Variants in GYG2 observed in about 807,000 individuals in gnomAD.
GYG2 encodes glycogenin 2, also known as glycogenin-2.
A neutral mutation model predicts 29.4 loss-of-function variants in GYG2; 29 were observed. That is an observed-to-expected ratio of 0.99 (90% CI 0.74 to 1.35). The LOEUF (loss-of-function observed/expected upper bound fraction) is 1.35, where lower values mean the gene tolerates loss of function less well. GYG2 is among the 40% of genes most tolerant of loss of function. GYG2 has a pLI of 0.00. For missense variants in GYG2, 370 were observed against 385.7 expected (o/e 0.96, Z 0.34); for synonymous variants, 167 against 172.3 (o/e 0.97, Z 0.24).
In GYG2 at chrX:2,842,813, G is replaced by A. The variant is rs186384651; in HGVS notation, c.8-400G>A. On this transcript the variant is annotated intron_variant, in intron 2 of 10. Coordinates refer to ENST00000398806, the MANE Select transcript of GYG2 (RefSeq NM_001079855.2). ...GAATACTGAATATTCACTGCAAGTC[G>A]TGATTTTTTTTTTTTTTTTGAGACA... is the stretch of plus-strand genomic sequence containing the variant. Among the ~76,000 whole-genome samples, 820 of 84,625 alleles carry A rather than the reference G, an allele frequency of 9.7e-3. 7 individuals carry two copies. Among genetic ancestry groups the A allele is most frequent in the South Asian group, 0.029 (46 of 1,570 alleles). 73.5% of individuals were successfully genotyped at this position (84,625 alleles called of 115,157 possible). A position where few individuals can be genotyped will look rare whatever the true frequency, so the allele number is the denominator to read the frequency against.
At chrX:2,875,770 A>T in intron 8 of GYG2, 40 bp from the exon 9 acceptor site, 1 of 870,476 alleles carries the variant, frequency 1.1e-6, no homozygotes, top group Non-Finnish European at 1.7e-6. Flanking sequence ...ATTTGCACGA[A>T]GGTTTGACTT....
chrX:2,830,718 T>C (rs964868260), intron 2 of GYG2, among the ~76,000 whole-genome samples: 4 of 111,469 alleles, frequency 3.6e-5, no homozygotes, highest in African/African-American at 1.3e-4. Flanking sequence ...GCCAGGAGTT[T>C]GAGACCATCC....
intron 8 of GYG2, among the ~76,000 whole-genome samples, chrX:2,868,773 C>G (rs1403560788): frequency 9.0e-6 from 1 of 110,865 alleles, no homozygotes; most frequent in African/African-American, 3.3e-5. Context: ...ACCACCATGG[C>G]ACACGTATAC....
At chrX:2,838,566 G>C (rs1454899973) in intron 2 of GYG2, among the ~76,000 whole-genome samples, 1 of 105,256 alleles carries the variant, frequency 9.5e-6, no homozygotes, top group Non-Finnish European at 1.9e-5. Context: ...AACATTTCCT[G>C]TTTAATTTCT....
In GYG2 at chrX:2,857,469, TCTGTA is replaced by T. The variant is rs1349925776; in HGVS notation, c.614+846_614+850del. On this transcript the variant is annotated intron_variant, in intron 6 of 10. Transcript: ENST00000398806. ...ATATACATAGATCTATATATCTATATCTGTATATCTATCTAGATCTATCTAGATAT... is the reference window on the plus strand; with the variant it reads ...ATATACATAGATCTATATATCTATATTATCTATCTAGATCTATCTAGATAT... 3.6e-5 allele frequency among the ~76,000 whole-genome samples: 4 copies of T among 110,605 alleles called. 1 individual carries two copies. Among genetic ancestry groups the T allele is most frequent in the Non-Finnish European group, 7.6e-5 (4 of 52,830 alleles).
chrX:2,877,330 T>C, intron 10 of GYG2, 23 bp downstream of exon 10: 1 of 1,203,390 alleles, frequency 8.3e-7, no homozygotes, highest in Non-Finnish European at 1.1e-6. Context: ...TTCTTCCCCT[T>C]GCCCAAGGCT....
chrX:2,863,175 C>G (rs1214691681), intron 8 of GYG2, among the ~76,000 whole-genome samples: 1 of 109,241 alleles, frequency 9.2e-6, no homozygotes, highest in Admixed American at 9.7e-5. Context: ...CCCGGGTTCA[C>G]GCCGTTCTCC....
At chrX:2,832,013 T>C (rs1291757002) in intron 2 of GYG2, among the ~76,000 whole-genome samples, 1 of 112,746 alleles carries the variant, frequency 8.9e-6, no homozygotes, top group Non-Finnish European at 1.9e-5. Flanking sequence ...AACTCCCTCT[T>C]TGAATGCAGT....
intron 8 of GYG2, among the ~76,000 whole-genome samples, chrX:2,865,346 A>G (rs1020622158): frequency 1.8e-5 from 2 of 111,615 alleles, no homozygotes; most frequent in Non-Finnish European, 3.8e-5. Flanking sequence ...GACAGCACTT[A>G]GCACTCTGGT....
chrX:2,862,540 C>G (rs897486048), intron 8 of GYG2, among the ~76,000 whole-genome samples: 1 of 111,425 alleles, frequency 9.0e-6, no homozygotes, highest in Non-Finnish European at 1.9e-5. Flanking sequence ...CAGCCGAACC[C>G]CTGACTTGAA....
chrX:2,837,885 G>A (rs1211997413), intron 2 of GYG2, among the ~76,000 whole-genome samples: 3 of 105,555 alleles, frequency 2.8e-5, no homozygotes, highest in Non-Finnish European at 3.9e-5. Context: ...ACACACACAC[G>A]TTTTCTTTTT....
chrX:2,846,056 T>TATATATATATA (rs1491432509), intron 3 of GYG2, among the ~76,000 whole-genome samples: 18 of 9,692 alleles, frequency 1.9e-3, no homozygotes, highest in Non-Finnish European at 1.9e-3. Flanking sequence ...TATATATATA[T>TATATATATATA]TTTTTTTTTT....
intron 2 of GYG2, among the ~76,000 whole-genome samples, chrX:2,839,404 C>T (rs898185731): frequency 9.0e-6 from 1 of 110,909 alleles, no homozygotes; most frequent in Non-Finnish European, 1.9e-5. Context: ...ACTAGGAGCT[C>T]CACATCCACC....
At chrX:2,869,868 C>T (rs1422419520) in intron 8 of GYG2, among the ~76,000 whole-genome samples, 2 of 112,410 alleles carry the variant, frequency 1.8e-5, no homozygotes, top group Non-Finnish European at 3.8e-5. Context: ...TCTTGAATTC[C>T]TGGGCTCTAG....
chrX:2,860,090 C>T, intron 7 of GYG2, 25 bp downstream of exon 7: 1 of 1,008,894 alleles, frequency 9.9e-7, no homozygotes, highest in Non-Finnish European at 1.4e-6. Context: ...CCCTTAAAAC[C>T]CGTAGCTGAG....
intron 8 of GYG2, among the ~76,000 whole-genome samples, chrX:2,868,937 A>G (rs960100513): frequency 9.0e-6 from 1 of 111,110 alleles, no homozygotes; most frequent in Non-Finnish European, 1.9e-5. Context: ...ATAACACTGA[A>G]CAAGGAGTTG....
At position 2,877,219 on chromosome X, in the gene GYG2, A is replaced by G. The variant is rs764917114; in HGVS notation, c.1163A>G (p.Glu388Gly). ...TTTTAGCAGCCAGCAAATAAAGTCG[A>G]AAGTGTCTCATCCGAGGAAACCTTC... ...ETILQPANKVESVSSEETFEP... is the reference protein window; with the variant it reads ...ETILQPANKVGSVSSEETFEP... Residue 388 changes from glutamate to glycine, a missense_variant, in exon 10 of 11, where the codon GAA (glutamate) becomes GGA (glycine). Physicochemically the swap from Glu to Gly is moderately conservative, Grantham distance 98. Coordinates refer to ENST00000398806, the MANE Select transcript of GYG2 (RefSeq NM_001079855.2). 1 of 1,208,717 alleles carries G rather than the reference A, an allele frequency of 8.3e-7. No homozygotes were observed. Among genetic ancestry groups the G allele is most frequent in the Non-Finnish European group, 1.1e-6 (1 of 893,026 alleles).
chrX:2,850,153 A>G (rs1317641769), intron 3 of GYG2, among the ~76,000 whole-genome samples: 1 of 110,724 alleles, frequency 9.0e-6, no homozygotes, highest in Non-Finnish European at 1.9e-5. Flanking sequence ...AATGATAATA[A>G]TAAATAGAAG....
At chrX:2,877,130 C>T (rs1425612266) in intron 9 of GYG2, 70 bp from the exon 10 acceptor site, 3 of 1,169,848 alleles carry the variant, frequency 2.6e-6, no homozygotes, top group Non-Finnish European at 3.5e-6. Flanking sequence ...AAGAGTTCTC[C>T]ATCATTTAGG....
Sources: gnomAD v4.1 joint callset for allele counts (sites outside exome capture counted in the v4.1 genomes callset) on GRCh38, gnomAD v4.1.1 for gene constraint, MANE v1.5 for transcripts, NCBI Gene and HGNC (gene_info 2026-07-23, HGNC 2026-07-21) for gene names.